BCAS3: variants seen among roughly 807,000 people sequenced by gnomAD.
BCAS3 encodes the protein BCAS4/BCAS3 fusion.
In BCAS3, 53 loss-of-function variants were observed where a neutral mutation model predicts 116.1. The observed-to-expected ratio is 0.46, with a 90% CI of 0.37 to 0.57. BCAS3 has a LOEUF of 0.57. BCAS3 is among the 20% of genes least tolerant of loss of function. BCAS3 has a pLI of 0.00. For missense variants in BCAS3, 917 were observed against 1,165.4 expected (o/e 0.79, Z 3.10); for synonymous variants, 391 against 408.2 (o/e 0.96, Z 0.51).
chr17:61,351,140 G>C (rs1184259532), intron 22 of BCAS3, among the ~76,000 whole-genome samples: 3 of 152,110 alleles, frequency 2.0e-5, no homozygotes, highest in African/African-American at 7.2e-5. Context: ...ATCTGTGCTG[G>C]GCACTTTCTT....
chr17:61,057,937 G>T (rs897356963), intron 19 of BCAS3, among the ~76,000 whole-genome samples: 1 of 151,746 alleles, frequency 6.6e-6, no homozygotes, highest in African/African-American at 2.4e-5. Context: ...ATAGTCTTGT[G>T]TCTTTAGCAT....
rs1048656062 is a variant in BCAS3 at position 60,931,685 on chromosome 17, C to T, written c.1087+7185C>T. On this transcript the variant is annotated intron_variant, in intron 13 of 23. Coordinates refer to ENST00000407086, the MANE Select transcript of BCAS3 (RefSeq NM_017679.5). ...ATGTCATGTTCCCCTTCCTCCTTCA[C>T]CTTGTCACCTAATTGGGCAAGCTAG... is the stretch of plus-strand genomic sequence containing the variant. 2.0e-5 allele frequency among the ~76,000 whole-genome samples: 3 copies of T among 152,170 alleles called. No individual in the cohort carries two copies. The East Asian group carries it at 5.8e-4, about 29-fold the overall frequency.
chr17:60,783,193 T>G (rs1411443214), intron 6 of BCAS3, among the ~76,000 whole-genome samples: 1 of 152,074 alleles, frequency 6.6e-6, no homozygotes, highest in Non-Finnish European at 1.5e-5. Flanking sequence ...AATCAACAGT[T>G]TGTTTGTTTG....
At chr17:60,984,046 CTATT>C (rs1179240123) in intron 14 of BCAS3, among the ~76,000 whole-genome samples, 1 of 152,170 alleles carries the variant, frequency 6.6e-6, no homozygotes, top group African/African-American at 2.4e-5. Context: ...TCTGGAATAA[CTATT>C]TATCTGAAAT....
intron 6 of BCAS3, among the ~76,000 whole-genome samples, chr17:60,750,090 T>C (rs2042325394): frequency 6.6e-6 from 1 of 152,046 alleles, no homozygotes; most frequent in African/African-American, 2.4e-5. Flanking sequence ...TTGTTTGAAC[T>C]TGGGAGGCAG....
At chr17:60,921,379 C>T (rs982752196) in intron 12 of BCAS3, among the ~76,000 whole-genome samples, 1 of 151,922 alleles carries the variant, frequency 6.6e-6, no homozygotes, top group Admixed American at 6.6e-5. Context: ...GTTGGGAGGC[C>T]GAGGCGGGCG....
At chr17:60,823,528 C>T (rs1485237494) in intron 7 of BCAS3, among the ~76,000 whole-genome samples, 1 of 150,564 alleles carries the variant, frequency 6.6e-6, no homozygotes, top group African/African-American at 2.5e-5. Context: ...TGTACCACCG[C>T]GATCTAGCCT....
At chr17:60,833,858 A>G (rs1052052266) in intron 7 of BCAS3, among the ~76,000 whole-genome samples, 4 of 152,188 alleles carry the variant, frequency 2.6e-5, no homozygotes, top group African/African-American at 7.2e-5. Flanking sequence ...CTTTACAAGA[A>G]AAGCCAAATA....
At chr17:61,142,930 A>G (rs1452701459) in intron 22 of BCAS3, among the ~76,000 whole-genome samples, 1 of 152,128 alleles carries the variant, frequency 6.6e-6, no homozygotes, top group Admixed American at 6.5e-5. Context: ...GATTATGTAT[A>G]TGTTTTCTTA....
At chr17:60,972,950 G>A (rs896099727) in intron 14 of BCAS3, among the ~76,000 whole-genome samples, 3 of 152,000 alleles carry the variant, frequency 2.0e-5, no homozygotes, top group Admixed American at 6.6e-5. Context: ...AACTCTCTTC[G>A]TCTTGAGACT....
Position 61,367,462 on chromosome 17 carries a change from G to A in BCAS3, c.2426-865G>A, listed in dbSNP as rs1457368176. The A allele has an allele frequency of 2.6e-5, 4 of 152,282 alleles. No individual in the cohort carries two copies. Among genetic ancestry groups the A allele is most frequent in the African/African-American group, 4.8e-5 (2 of 41,466 alleles). The allele number at this position is 152,282 out of a possible 1,614,324, so 9.4% of individuals were successfully genotyped here. ...TAGCGTTCAGCAGAACACCACAGAC[G>A]TTTTGGAATTGGGGAGCAGCTTTGG... On this transcript the variant is annotated intron_variant, in intron 22 of 23. Transcript: ENST00000407086. This position sits in a 1 kb window ranked among gnomAD's most constrained non-coding sequence, Gnocchi z 6.2.
rs112562761 is a variant in BCAS3, at chr17:60,751,847, T to C, written c.403+4568T>C. 2.9e-3 allele frequency among the ~76,000 whole-genome samples: 436 copies of C among 152,276 alleles called. 1 individual carries two copies. The highest frequency in any genetic ancestry group is 9.9e-3 in the African/African-American group (411 of 41,528). On this transcript the variant is annotated intron_variant, in intron 6 of 23. Coordinates refer to ENST00000407086, the MANE Select transcript of BCAS3 (RefSeq NM_017679.5). Reference sequence around the variant, plus strand: ...TGTGAGCCACTGCGCCCAGACTGTTTTTAATTTCTTAAAGTAAGGACCATG... The same window carrying C: ...TGTGAGCCACTGCGCCCAGACTGTTCTTAATTTCTTAAAGTAAGGACCATG...
chr17:60,747,573 C>T (rs2042112200), intron 6 of BCAS3, among the ~76,000 whole-genome samples: 1 of 152,152 alleles, frequency 6.6e-6, no homozygotes, highest in Non-Finnish European at 1.5e-5. Context: ...CTTTTTCTCT[C>T]TTGGTTTTCA....
chr17:61,031,351 A>G (rs1405068382), intron 16 of BCAS3, among the ~76,000 whole-genome samples: 1 of 152,034 alleles, frequency 6.6e-6, no homozygotes, highest in Admixed American at 6.6e-5. Flanking sequence ...GAAATATTCT[A>G]GGTCATTGTG....
intron 5 of BCAS3, among the ~76,000 whole-genome samples, chr17:60,712,194 TGAGAC>T (rs1225220124): frequency 7.3e-6 from 1 of 136,930 alleles, no homozygotes; most frequent in Non-Finnish European, 1.5e-5. Flanking sequence ...AAACACATAG[TGAGAC>T]CTTGTCTCTA....
intron 7 of BCAS3, among the ~76,000 whole-genome samples, chr17:60,849,208 G>A (rs2052821904): frequency 1.3e-5 from 2 of 152,034 alleles, no homozygotes. Context: ...GAGAAGGATT[G>A]ATGCTGCAGT....
intron 15 of BCAS3, among the ~76,000 whole-genome samples, chr17:61,001,450 A>G (rs1185626179): frequency 6.6e-6 from 1 of 152,188 alleles, no homozygotes; most frequent in Non-Finnish European, 1.5e-5. Flanking sequence ...AGCCTTATAT[A>G]GTTTCACCTA....
intron 15 of BCAS3, among the ~76,000 whole-genome samples, chr17:61,014,077 A>G (rs1288538292): frequency 3.3e-5 from 5 of 152,164 alleles, no homozygotes; most frequent in Non-Finnish European, 5.9e-5. Context: ...AATTCGAATT[A>G]GTAAAAAAAA....
At chr17:60,975,162 C>T (rs978439823) in intron 14 of BCAS3, among the ~76,000 whole-genome samples, 5 of 151,452 alleles carry the variant, frequency 3.3e-5, no homozygotes, top group East Asian at 1.9e-4. Context: ...CCACCGCGCC[C>T]GGCTAATTTT....
Sources: gnomAD v4.1 joint callset for allele counts (sites outside exome capture counted in the v4.1 genomes callset) on GRCh38, gnomAD v4.1.1 for gene constraint, Gnocchi (gnomAD v3.1) non-coding constraint, MANE v1.5 for transcripts, NCBI Gene and HGNC (gene_info 2026-07-23, HGNC 2026-07-21) for gene names.